The following CHD1L variants were observed in gnomAD, a reference collection of about 807,000 sequenced individuals.
CHD1L encodes the protein ATP-dependent chromatin remodeler CHD1L.
Under a neutral mutation model 115.9 loss-of-function variants are expected in CHD1L, and 118 were observed. That is an observed-to-expected ratio of 1.02 (90% CI 0.88 to 1.19). The LOEUF (loss-of-function observed/expected upper bound fraction) is 1.19, where lower values mean the gene tolerates loss of function less well. Among genes scored for constraint, CHD1L ranks in the 50% most tolerant of loss-of-function variants. The probability of loss-of-function intolerance (pLI) is 0.00; values close to 1 mark genes in which losing one functional copy is unlikely to be tolerated. For synonymous variants in CHD1L, 411 were observed against 387.1 expected, an observed-to-expected ratio of 1.06 and a Z score of -0.72; for missense variants, 1,179 against 1,065.3, an observed-to-expected ratio of 1.11 and a Z score of -1.49.
At chr1:147,258,387 A>G (rs1670810191) in intron 5 of CHD1L, among the ~76,000 whole-genome samples, 1 of 152,178 alleles carries the variant, frequency 6.6e-6, no homozygotes, top group African/African-American at 2.4e-5. Flanking sequence ...GGACACCTAA[A>G]TGTCTAGTTC....
chr1:147,181,043 T>A, the CHD1L span, among the ~76,000 whole-genome samples: 1 of 152,230 alleles, frequency 6.6e-6, no homozygotes, highest in African/African-American at 2.4e-5. Context: ...AGGAGTTTGC[T>A]GACTCTTAGA....
intron 1 of CHD1L, 78 bp downstream of exon 1, chr1:147,242,908 G>C (rs782783507): frequency 7.1e-5 from 87 of 1,232,584 alleles, no homozygotes; most frequent in Non-Finnish European, 8.6e-5. Context: ...GGGCGCAGCG[G>C]GTGGGCCGCC....
intron 5 of CHD1L, 86 bp downstream of exon 5, chr1:147,256,648 C>A (rs1670260521): frequency 2.3e-6 from 3 of 1,303,972 alleles, no homozygotes; most frequent in Non-Finnish European, 2.2e-6. Context: ...CTTTGCCTCT[C>A]CTGGCATGTC....
chr1:147,244,260 CAA>C (rs1276507370), intron 1 of CHD1L, among the ~76,000 whole-genome samples: 1 of 152,074 alleles, frequency 6.6e-6, no homozygotes, highest in African/African-American at 2.4e-5. Context: ...AATGAGGAGA[CAA>C]GAGGTTGCAA....
At chr1:147,184,543 G>A in the CHD1L span, 1 of 1,548,124 alleles carries the variant, frequency 6.5e-7, no homozygotes, top group Non-Finnish European at 8.7e-7. The surrounding 1 kb of genome is among the most constrained non-coding windows in gnomAD (Gnocchi z 4.4). Flanking sequence ...GACTTTCTTT[G>A]TTGATGATCT....
intron 17 of CHD1L, among the ~76,000 whole-genome samples, 156 bp from the exon 18 acceptor site, chr1:147,286,142 G>A (rs995580147): frequency 1.3e-5 from 2 of 152,198 alleles, no homozygotes; most frequent in Non-Finnish European, 2.9e-5. Context: ...TAATCAGTAA[G>A]ACTTGTTTAC....
chr1:147,292,295 A>G (rs782133894), intron 20 of CHD1L, among the ~76,000 whole-genome samples: 2 of 152,318 alleles, frequency 1.3e-5, no homozygotes, highest in Middle Eastern at 3.4e-3. Flanking sequence ...CAGCCATAAT[A>G]AAGCAGGAGA....
At chr1:147,198,872 A>AAAAAAAAAG in the CHD1L span, among the ~76,000 whole-genome samples, 33 of 144,636 alleles carry the variant, frequency 2.3e-4, no homozygotes, top group South Asian at 6.9e-4. Flanking sequence ...AAAAAAAAAA[A>AAAAAAAAAG]AAAGAAAGAA....
chr1:147,288,366 A>G (rs928383756), intron 19 of CHD1L, among the ~76,000 whole-genome samples: 1 of 148,280 alleles, frequency 6.7e-6, no homozygotes. Flanking sequence ...AACTATTGGA[A>G]TAAACATGAA....
chr1:147,204,914 T>G, the CHD1L span: 2 of 1,575,130 alleles, frequency 1.3e-6, no homozygotes, highest in Non-Finnish European at 1.7e-6. Flanking sequence ...CCCGGAGCCT[T>G]GGGAACTTGA....
At chr1:147,258,151 A>G (rs1559761345) in intron 5 of CHD1L, among the ~76,000 whole-genome samples, 1 of 152,220 alleles carries the variant, frequency 6.6e-6, no homozygotes. Flanking sequence ...CATGTTACAA[A>G]TATGAAAAAT....
intron 2 of CHD1L, among the ~76,000 whole-genome samples, 196 bp from the exon 3 acceptor site, chr1:147,254,674 G>A (rs1248302649): frequency 5.9e-5 from 9 of 152,202 alleles, no homozygotes; most frequent in South Asian, 2.1e-4. Context: ...ATAAATTTCC[G>A]TGCAAGTATA....
chr1:147,266,551 A>G (rs1553948455), intron 8 of CHD1L, among the ~76,000 whole-genome samples: 2 of 152,246 alleles, frequency 1.3e-5, no homozygotes, highest in Admixed American at 6.5e-5. Flanking sequence ...CACCCAGGAC[A>G]TGAATCCTCC....
the CHD1L span, chr1:147,175,277 T>A: frequency 6.6e-6 from 1 of 152,204 alleles, no homozygotes; most frequent in African/African-American, 2.4e-5. Flanking sequence ...ACAAAACCTG[T>A]AAACACATAT....
chr1:147,268,674 A>G, intron 9 of CHD1L, 108 bp from the exon 10 acceptor site: 1 of 785,960 alleles, frequency 1.3e-6, no homozygotes, highest in Non-Finnish European at 2.1e-6. Flanking sequence ...ATCATCATGC[A>G]AACAACTACT....
the CHD1L span, chr1:147,223,942 C>G: frequency 2.7e-6 from 1 of 376,172 alleles, no homozygotes; most frequent in Non-Finnish European, 5.2e-6. Flanking sequence ...ATACCCCCAT[C>G]GAGACACCAC....
the CHD1L span, among the ~76,000 whole-genome samples, chr1:147,233,450 C>T: frequency 2.4e-4 from 30 of 125,846 alleles, no homozygotes; most frequent in African/African-American, 9.1e-4. Flanking sequence ...CCCGGCCAGC[C>T]GCCCCGTCCG....
At chr1:147,256,020 C>A in intron 4 of CHD1L, 93 bp downstream of exon 4, 1 of 789,314 alleles carries the variant, frequency 1.3e-6, no homozygotes, top group Non-Finnish European at 2.0e-6. Flanking sequence ...TTGTTGAGAG[C>A]ACACACTTTT....
At chr1:147,204,154 CT>C in the CHD1L span, 1 of 1,112,462 alleles carries the variant, frequency 9.0e-7, no homozygotes, top group Non-Finnish European at 1.4e-6. Flanking sequence ...CTTCATCAGT[CT>C]TTATCAACAC....
Sources: allele counts gnomAD v4.1 joint callset (sites outside exome capture counted in the v4.1 genomes callset), GRCh38; gene constraint gnomAD v4.1.1; non-coding constraint Gnocchi (gnomAD v3.1); transcripts MANE v1.5; gene names NCBI Gene and HGNC (gene_info 2026-07-23, HGNC 2026-07-21).